Variants in TSHZ2 observed in about 807,000 individuals in gnomAD.
The protein encoded by TSHZ2 is teashirt homolog 2.
A neutral mutation model predicts 74.4 loss-of-function variants in TSHZ2; 21 were observed. The ratio of observed to expected loss-of-function variants is 0.28; its 90% CI spans 0.20 to 0.41. The LOEUF is 0.41. Ranked by LOEUF, TSHZ2 falls within the 10% of genes least tolerant of loss-of-function variation. The pLI is 1.00. For synonymous variants in TSHZ2, 540 were observed against 515.3 expected (o/e 1.05, Z -0.65); for missense variants, 1,244 against 1,293.5 (o/e 0.96, Z 0.59).
intron 1 of TSHZ2, among the ~76,000 whole-genome samples, chr20:53,139,318 T>C (rs898455148): frequency 1.3e-5 from 2 of 152,240 alleles, no homozygotes; most frequent in African/African-American, 4.8e-5. Context: ...ATTTCCTGAA[T>C]AAATGGCATC....
intron 1 of TSHZ2, among the ~76,000 whole-genome samples, chr20:53,170,031 T>C (rs1411312166): frequency 6.6e-6 from 1 of 152,168 alleles, no homozygotes; most frequent in Non-Finnish European, 1.5e-5. Flanking sequence ...TCTTCAAGAA[T>C]GCTACAAGAA....
chr20:53,084,149 C>T (rs1273706679), intron 1 of TSHZ2, among the ~76,000 whole-genome samples: 1 of 152,118 alleles, frequency 6.6e-6, no homozygotes, highest in African/African-American at 2.4e-5. Flanking sequence ...TAAAGAACGA[C>T]AAAATACACA....
rs908524730 is a variant in TSHZ2 at position 53,318,606 on chromosome 20, C to T, written c.*8+62035C>T. 7.2e-5 allele frequency among the ~76,000 whole-genome samples: 11 copies of T among 152,130 alleles called. No homozygotes were observed. In the East Asian group the frequency reaches 1.2e-3, roughly 16 times the overall value. ...AGAGGAAGATAGAAAAAGTTGGCATCGTGGGCAGGAACACAATGTAGCTTC... is the reference window on the plus strand; with the variant it reads ...AGAGGAAGATAGAAAAAGTTGGCATTGTGGGCAGGAACACAATGTAGCTTC... On this transcript the variant is annotated intron_variant, in intron 2 of 2. Transcript: ENST00000371497.
chr20:53,460,734 T>C (rs1484275034), intron 2 of TSHZ2, among the ~76,000 whole-genome samples: 1 of 152,240 alleles, frequency 6.6e-6, no homozygotes, highest in Non-Finnish European at 1.5e-5. Context: ...TTGGTGTGGA[T>C]GTCCTTTCTG....
At chr20:53,284,902 G>A (rs1832129253) in intron 2 of TSHZ2, among the ~76,000 whole-genome samples, 1 of 152,124 alleles carries the variant, frequency 6.6e-6, no homozygotes, top group Admixed American at 6.5e-5. Flanking sequence ...CCTTACTCTT[G>A]ACAGGCCTGA....
chr20:53,385,766 G>C (rs1055047679), intron 2 of TSHZ2, among the ~76,000 whole-genome samples: 1 of 152,140 alleles, frequency 6.6e-6, no homozygotes, highest in African/African-American at 2.4e-5. Flanking sequence ...AGGGACCAGG[G>C]ATAACAACGA....
At chr20:53,250,835 GAAA>G (rs561849899) in intron 1 of TSHZ2, among the ~76,000 whole-genome samples, 3 of 125,834 alleles carry the variant, frequency 2.4e-5, no homozygotes, top group Non-Finnish European at 3.4e-5. Flanking sequence ...ATGTCAGTGG[GAAA>G]AAAAAAAAAA....
chr20:53,413,805 T>A (rs141357530), intron 2 of TSHZ2, among the ~76,000 whole-genome samples: 1 of 152,330 alleles, frequency 6.6e-6, no homozygotes, highest in East Asian at 1.9e-4. Flanking sequence ...ACCAAGTGTC[T>A]ATAGTATTCA....
intron 1 of TSHZ2, among the ~76,000 whole-genome samples, chr20:53,123,784 A>G (rs1404926991): frequency 6.6e-6 from 1 of 152,152 alleles, no homozygotes; most frequent in Non-Finnish European, 1.5e-5. Flanking sequence ...GGAAGAATGA[A>G]ACAATTTGTG....
chr20:53,442,494 G>A (rs1221925433), intron 2 of TSHZ2, among the ~76,000 whole-genome samples: 1 of 152,160 alleles, frequency 6.6e-6, no homozygotes, highest in Non-Finnish European at 1.5e-5. Context: ...GCCAGTGCAC[G>A]GATTCTATTA....
chr20:52,996,447 G>C (rs1488634606), intron 1 of TSHZ2, among the ~76,000 whole-genome samples: 1 of 152,102 alleles, frequency 6.6e-6, no homozygotes, highest in East Asian at 1.9e-4. Flanking sequence ...TGGTGAGGTT[G>C]AACAGGAGGA....
intron 2 of TSHZ2, among the ~76,000 whole-genome samples, chr20:53,402,153 T>C (rs2145681472): frequency 6.6e-6 from 1 of 152,336 alleles, no homozygotes; most frequent in Admixed American, 6.5e-5. Context: ...CAATTGCGAA[T>C]TGTGCTGCTA....
At chr20:53,396,573 T>C (rs1029652040) in intron 2 of TSHZ2, among the ~76,000 whole-genome samples, 2 of 152,028 alleles carry the variant, frequency 1.3e-5, no homozygotes, top group African/African-American at 4.8e-5. Context: ...AGACCAGGTA[T>C]GGGTGGCTCG....
At chr20:53,178,621 G>C (rs749033624) in intron 1 of TSHZ2, 2 of 152,096 alleles carry the variant, frequency 1.3e-5, no homozygotes, top group East Asian at 3.8e-4. Flanking sequence ...TTAAAATAAG[G>C]TGATTTCAGA....
At chr20:53,224,344 A>C (rs1989633105) in intron 1 of TSHZ2, among the ~76,000 whole-genome samples, 1 of 152,216 alleles carries the variant, frequency 6.6e-6, no homozygotes, top group Admixed American at 6.5e-5. Flanking sequence ...TGACATTGTG[A>C]TTAGGAAAAC....
At chr20:52,994,603 G>T (rs577246452) in intron 1 of TSHZ2, among the ~76,000 whole-genome samples, 1 of 152,192 alleles carries the variant, frequency 6.6e-6, no homozygotes, top group East Asian at 1.9e-4. Context: ...ATTTTCATTA[G>T]CAATGGTTCC....
chr20:53,317,756 T>C (rs1003785826), intron 2 of TSHZ2, among the ~76,000 whole-genome samples: 6 of 152,206 alleles, frequency 3.9e-5, no homozygotes, highest in African/African-American at 1.4e-4. Flanking sequence ...CCCTTTATCA[T>C]TCAAAGGACA....
intron 1 of TSHZ2, among the ~76,000 whole-genome samples, chr20:53,043,182 G>A (rs562632358): frequency 5.3e-5 from 8 of 152,270 alleles, no homozygotes; most frequent in African/African-American, 1.9e-4. Flanking sequence ...AAAAATTGCT[G>A]GAAAAATATA....
chr20:53,423,094 T>C (rs1983535695), intron 2 of TSHZ2, among the ~76,000 whole-genome samples: 1 of 152,130 alleles, frequency 6.6e-6, no homozygotes, highest in African/African-American at 2.4e-5. Flanking sequence ...CACTGTCTCC[T>C]GGTAAAAGGT....
Sources: allele counts gnomAD v4.1 joint callset (sites outside exome capture counted in the v4.1 genomes callset), GRCh38; gene constraint gnomAD v4.1.1; transcripts MANE v1.5; gene names NCBI Gene and HGNC (gene_info 2026-07-23, HGNC 2026-07-21).